SAMMSON: variants seen among roughly 807,000 people sequenced by gnomAD.
SAMMSON encodes the protein survival associated mitochondrial melanoma specific oncogenic non-coding RNA.
chr3:70,366,885 G>A (rs751595644), intron 9 of SAMMSON, among the ~76,000 whole-genome samples: 15 of 151,436 alleles, frequency 9.9e-5, no homozygotes, highest in Non-Finnish European at 1.8e-4. Flanking sequence ...TATGTGTAGT[G>A]TTTCTTTTCA....
chr3:70,151,160 G>T (rs551482639), intron 4 of SAMMSON, among the ~76,000 whole-genome samples: 7 of 151,970 alleles, frequency 4.6e-5, no homozygotes, highest in Non-Finnish European at 8.8e-5. Context: ...GAAAACTGAG[G>T]TAATGAAAAA....
Position 70,182,909 on chromosome 3 carries a change from AT to A in SAMMSON, n.508-66190del, listed in dbSNP as rs34350951. 7.2e-5 allele frequency among the ~76,000 whole-genome samples: 11 copies of A among 151,906 alleles called. No homozygotes were observed. The South Asian group carries it at 1.0e-3, about 14-fold the overall frequency. The stretch of plus-strand genomic sequence containing the variant: ...TTTCAAAGGACTAATGACTAATTGG[AT>A]TTTTTTTGTAACTGTATATTAATGA... On this transcript the variant is annotated intron_variant and non_coding_transcript_variant, in intron 4 of 9. Transcript: ENST00000642114.
chr3:70,363,806 G>C lies in SAMMSON; in HGVS notation n.913+5482G>C, dbSNP rs910209542. ...AGTTGTGTTATTGCATTGTCTGTGT[G>C]TGTGTGTGTGTGTGTGTGTGTGCAT... On this transcript the variant is annotated intron_variant and non_coding_transcript_variant, in intron 9 of 9. Transcript: ENST00000642114. Among the ~76,000 whole-genome samples the C allele has an allele frequency of 7.7e-4, 106 of 137,662 alleles. 1 individual carries two copies. The highest frequency in any genetic ancestry group is 2.5e-3 in the African/African-American group (99 of 38,958). 90.3% of individuals were successfully genotyped at this position (137,662 alleles called of 152,430 possible). A position where few individuals can be genotyped will look rare whatever the true frequency, so the allele number is the denominator to read the frequency against.
intron 4 of SAMMSON, among the ~76,000 whole-genome samples, chr3:70,155,808 G>A (rs1021899587): frequency 1.3e-5 from 2 of 151,976 alleles, no homozygotes; most frequent in Admixed American, 1.3e-4. Context: ...TTAGGGTGGA[G>A]GGCAGAAGAG....
At chr3:70,004,799 G>A (rs962477162) in intron 1 of SAMMSON, among the ~76,000 whole-genome samples, 68 of 152,280 alleles carry the variant, frequency 4.5e-4, no homozygotes, top group African/African-American at 1.5e-3. Flanking sequence ...TGTGGAGAAC[G>A]TTATCTATTA....
At chr3:70,104,555 C>T (rs570788003) in intron 4 of SAMMSON, among the ~76,000 whole-genome samples, 9 of 152,230 alleles carry the variant, frequency 5.9e-5, no homozygotes, top group East Asian at 3.9e-4. Context: ...GAGGAGGATG[C>T]GAACACCCCC....
intron 4 of SAMMSON, among the ~76,000 whole-genome samples, chr3:70,163,060 A>G (rs994751753): frequency 5.3e-5 from 8 of 151,610 alleles, no homozygotes; most frequent in Non-Finnish European, 1.0e-4. Context: ...TTTTATAGGA[A>G]GTATATAATC....
intron 2 of SAMMSON, among the ~76,000 whole-genome samples, chr3:70,406,865 A>G (rs964014247): frequency 6.6e-6 from 1 of 152,218 alleles, no homozygotes; most frequent in Non-Finnish European, 1.5e-5. Context: ...TGTAACACTG[A>G]AACATTAAAC....
At chr3:70,159,084 T>C (rs182202363) in intron 4 of SAMMSON, among the ~76,000 whole-genome samples, 18 of 152,232 alleles carry the variant, frequency 1.2e-4, no homozygotes, top group Admixed American at 3.3e-4. Context: ...ATTATTATTG[T>C]TTACTTAAAA....
At chr3:70,384,443 C>T (rs756388590) in intron 9 of SAMMSON, among the ~76,000 whole-genome samples, 3 of 151,830 alleles carry the variant, frequency 2.0e-5, no homozygotes, top group Admixed American at 1.3e-4. Flanking sequence ...ATAGTCAATC[C>T]GATGACTTGA....
At chr3:70,056,102 A>C (rs1264053968) in intron 3 of SAMMSON, among the ~76,000 whole-genome samples, 1 of 151,916 alleles carries the variant, frequency 6.6e-6, no homozygotes, top group Non-Finnish European at 1.5e-5. Flanking sequence ...TAATCTTGAC[A>C]CCTTTCTTTC....
chr3:70,179,208 C>T (rs963714874), intron 4 of SAMMSON, among the ~76,000 whole-genome samples: 1 of 152,196 alleles, frequency 6.6e-6, no homozygotes, highest in African/African-American at 2.4e-5. Context: ...TTATTTTGGA[C>T]ACCTGGAGCT....
At chr3:70,358,385 T>C (rs962767818) in intron 9 of SAMMSON, 1 of 152,164 alleles carries the variant, frequency 6.6e-6, no homozygotes. Context: ...AAAGCTATGA[T>C]TTAGTGCTTT....
intron 7 of SAMMSON, among the ~76,000 whole-genome samples, chr3:70,323,694 A>C (rs896503131): frequency 4.6e-5 from 7 of 152,148 alleles, no homozygotes; most frequent in African/African-American, 1.7e-4. Flanking sequence ...GTTTTATTAC[A>C]TTGGGAAGAA....
intron 7 of SAMMSON, among the ~76,000 whole-genome samples, chr3:70,300,646 A>T (rs1219337458): frequency 6.6e-6 from 1 of 152,030 alleles, no homozygotes; most frequent in Non-Finnish European, 1.5e-5. Flanking sequence ...TATTTCTCCC[A>T]GTTGTATCTA....
intron 4 of SAMMSON, among the ~76,000 whole-genome samples, chr3:70,090,061 C>T (rs2067299871): frequency 6.6e-6 from 1 of 152,072 alleles, no homozygotes; most frequent in South Asian, 2.1e-4. Flanking sequence ...TGACTTTCCC[C>T]CATTCGTTAA....
chr3:70,276,227 A>T (rs1702024361), intron 6 of SAMMSON, among the ~76,000 whole-genome samples: 1 of 152,298 alleles, frequency 6.6e-6, no homozygotes, highest in South Asian at 2.1e-4. Flanking sequence ...TTCTTGCAAT[A>T]CAATTTTTTA....
At chr3:70,402,784 C>T (rs1332807968) in intron 2 of SAMMSON, among the ~76,000 whole-genome samples, 3 of 152,026 alleles carry the variant, frequency 2.0e-5, no homozygotes, top group Admixed American at 6.6e-5. Context: ...ATCACTCAAA[C>T]CCAGGAGGCG....
intron 4 of SAMMSON, chr3:70,183,323 T>C (rs1701068699): frequency 6.6e-6 from 1 of 152,172 alleles, no homozygotes; most frequent in South Asian, 2.1e-4. Context: ...CCAGAGTAAA[T>C]ATAACACCCA....
Sources: allele counts gnomAD v4.1 joint callset (sites outside exome capture counted in the v4.1 genomes callset), GRCh38; gene constraint gnomAD v4.1.1; transcripts MANE v1.5; gene names NCBI Gene and HGNC (gene_info 2026-07-23, HGNC 2026-07-21).